GALNTL6: variants seen among roughly 807,000 people sequenced by gnomAD.
GALNTL6 encodes polypeptide N-acetylgalactosaminyltransferase like 6, also known as polypeptide N-acetylgalactosaminyltransferase-like 6.
A neutral mutation model predicts 73.7 loss-of-function variants in GALNTL6; 46 were observed. That is an observed-to-expected ratio of 0.62 (90% CI 0.49 to 0.80). The LOEUF is 0.80. GALNTL6 is among the 30% of genes least tolerant of loss of function. The probability of loss-of-function intolerance (pLI) is 0.00; values close to 1 mark genes in which losing one functional copy is unlikely to be tolerated. For synonymous variants in GALNTL6, 259 were observed against 263.7 expected (o/e 0.98, Z 0.17); for missense variants, 604 against 755.0 (o/e 0.80, Z 2.34).
At chr4:172,551,192 A>G (rs1467392443) in intron 5 of GALNTL6, among the ~76,000 whole-genome samples, 2 of 152,190 alleles carry the variant, frequency 1.3e-5, no homozygotes, top group Non-Finnish European at 2.9e-5. Context: ...CTTACTTTGG[A>G]TTATAAAACG....
chr4:172,201,574 T>A (rs1735957602), intron 2 of GALNTL6, among the ~76,000 whole-genome samples: 2 of 152,040 alleles, frequency 1.3e-5, no homozygotes, highest in Non-Finnish European at 2.9e-5. Flanking sequence ...TAAAGGTCTC[T>A]ATTGGTATTG....
chr4:172,899,736 C>T (rs1467275926), intron 8 of GALNTL6, among the ~76,000 whole-genome samples: 3 of 152,162 alleles, frequency 2.0e-5, no homozygotes, highest in Non-Finnish European at 4.4e-5. Flanking sequence ...ACTCCATAGG[C>T]AGAGCAGCCC....
intron 11 of GALNTL6, among the ~76,000 whole-genome samples, chr4:173,021,089 A>C (rs201731000): frequency 4.8e-5 from 7 of 145,946 alleles, no homozygotes; most frequent in African/African-American, 1.6e-4. Flanking sequence ...AACAAACAAA[A>C]AAAGACTTTA....
chr4:171,948,712 CCT>C (rs1738777058), intron 2 of GALNTL6, among the ~76,000 whole-genome samples: 1 of 151,982 alleles, frequency 6.6e-6, no homozygotes, highest in South Asian at 2.1e-4. Flanking sequence ...TGATATTTTT[CCT>C]CTCTCTTTGA....
intron 2 of GALNTL6, among the ~76,000 whole-genome samples, chr4:171,991,296 A>G (rs1217022683): frequency 6.6e-6 from 1 of 152,154 alleles, no homozygotes; most frequent in Non-Finnish European, 1.5e-5. Context: ...TGTTAAAGCA[A>G]GAATATAAAT....
intron 9 of GALNTL6, among the ~76,000 whole-genome samples, chr4:172,941,357 C>T (rs896515771): frequency 4.6e-5 from 7 of 152,184 alleles, no homozygotes; most frequent in African/African-American, 1.7e-4. Context: ...TAATAACAAG[C>T]TATCATGATT....
chr4:171,997,031 G>T lies in GALNTL6; in HGVS notation c.138+182313G>T, dbSNP rs143790402. On this transcript the variant is annotated intron_variant, in intron 2 of 12. Coordinates refer to ENST00000506823, the MANE Select transcript of GALNTL6 (RefSeq NM_001034845.3). ...TTAGTTATCCAAGTGTTGGAATTGG[G>T]GCAGGCAACAGAAAGAACATTGTAT... Among the ~76,000 whole-genome samples, 649 of 152,166 alleles carry T rather than the reference G, an allele frequency of 4.3e-3. 4 individuals carry two copies. The highest frequency in any genetic ancestry group is 0.015 in the African/African-American group (618 of 41,514).
At chr4:172,050,357 C>A (rs75664447) in intron 2 of GALNTL6, among the ~76,000 whole-genome samples, 2,526 of 152,228 alleles carry the variant, frequency 0.017, 32 homozygotes, top group Non-Finnish European at 0.028. Flanking sequence ...CAGGCAAAAT[C>A]ATAGATCAAT....
At chr4:172,326,463 T>A (rs1173203856) in intron 4 of GALNTL6, among the ~76,000 whole-genome samples, 2 of 152,004 alleles carry the variant, frequency 1.3e-5, no homozygotes, top group Non-Finnish European at 2.9e-5. Flanking sequence ...AACTTTTATA[T>A]CCTAGTAATA....
intron 5 of GALNTL6, among the ~76,000 whole-genome samples, chr4:172,481,354 A>C (rs1325016819): frequency 2.0e-5 from 3 of 152,052 alleles, no homozygotes; most frequent in Admixed American, 2.0e-4. Flanking sequence ...GGACCCAAAG[A>C]GTGAGCACCA....
chr4:171,959,966 C>G (rs1739173162), intron 2 of GALNTL6, among the ~76,000 whole-genome samples: 1 of 152,134 alleles, frequency 6.6e-6, no homozygotes, highest in Non-Finnish European at 1.5e-5. Context: ...ACAAAATAAA[C>G]TTATTTATTT....
At chr4:172,916,589 C>A (rs1579650314) in intron 8 of GALNTL6, among the ~76,000 whole-genome samples, 2 of 152,120 alleles carry the variant, frequency 1.3e-5, no homozygotes, top group Non-Finnish European at 2.9e-5. Context: ...CACAAGCATT[C>A]CTATACACCA....
At chr4:172,103,005 G>A (rs1015685109) in intron 2 of GALNTL6, among the ~76,000 whole-genome samples, 3 of 152,166 alleles carry the variant, frequency 2.0e-5, no homozygotes, top group African/African-American at 4.8e-5. Context: ...AAGACCTCTG[G>A]TCAAGGCCTA....
At chr4:172,390,199 A>T (rs1352384485) in intron 5 of GALNTL6, among the ~76,000 whole-genome samples, 3 of 152,172 alleles carry the variant, frequency 2.0e-5, no homozygotes, top group Non-Finnish European at 4.4e-5. Context: ...TTAAAAATTG[A>T]CTTATTTTTC....
At position 172,931,250 on chromosome 4, in the gene GALNTL6, T is replaced by A. The variant is rs776216767; in HGVS notation, c.1131T>A (p.Ser377=). The change falls in exon 9 of 13, where the codon TCT becomes TCA. Residue 377 remains serine (S), a synonymous_variant. Transcript: ENST00000506823. ...AGTACGTTCCATACAAAGTTCCATC[T>A]GGGACAAGCCTGGCAAGAGTGAGTA... ...YRKYVPYKVP[S]GTSLARNLKR... 2 of 1,602,512 alleles carry A rather than the reference T, an allele frequency of 1.2e-6. No homozygotes were observed. The highest frequency in any genetic ancestry group is 2.2e-5 in the South Asian group (2 of 90,874).
intron 5 of GALNTL6, among the ~76,000 whole-genome samples, chr4:172,413,296 T>C (rs1456789151): frequency 6.6e-6 from 1 of 152,240 alleles, no homozygotes; most frequent in Non-Finnish European, 1.5e-5. Flanking sequence ...CTATAACAGA[T>C]GTAGCTCCAC....
intron 2 of GALNTL6, among the ~76,000 whole-genome samples, chr4:171,847,068 A>C (rs1413244231): frequency 6.6e-6 from 1 of 151,350 alleles, no homozygotes; most frequent in Non-Finnish European, 1.5e-5. Flanking sequence ...CCTACGAGCA[A>C]TGGTCAGTAT....
At chr4:172,496,519 A>G (rs896550556) in intron 5 of GALNTL6, among the ~76,000 whole-genome samples, 10 of 152,010 alleles carry the variant, frequency 6.6e-5, no homozygotes, top group African/African-American at 2.2e-4. Flanking sequence ...GTGAGATATC[A>G]TAGCTACAAA....
intron 2 of GALNTL6, among the ~76,000 whole-genome samples, chr4:171,987,741 T>G (rs1480463388): frequency 6.6e-6 from 1 of 152,164 alleles, no homozygotes; most frequent in Non-Finnish European, 1.5e-5. Context: ...ATAGCCTGCC[T>G]TTGCTGGTGT....
Sources: allele counts gnomAD v4.1 joint callset (sites outside exome capture counted in the v4.1 genomes callset), GRCh38; gene constraint gnomAD v4.1.1; transcripts MANE v1.5; gene names NCBI Gene and HGNC (gene_info 2026-07-23, HGNC 2026-07-21).